Variants in MAP3K5 observed in about 807,000 individuals in gnomAD.
MAP3K5 encodes ASK-1.
In MAP3K5, 56 loss-of-function variants were observed where a neutral mutation model predicts 158.7. The ratio of observed to expected loss-of-function variants is 0.35; its 90% confidence interval spans 0.28 to 0.44. The LOEUF is 0.44. MAP3K5 is among the 20% of genes least tolerant of loss of function. The pLI, the probability that MAP3K5 is intolerant of heterozygous loss-of-function variation, is 1.00. For synonymous variants in MAP3K5, 579 were observed against 601.7 expected, an observed-to-expected ratio of 0.96 and a Z score of 0.55; for missense variants, 1,294 against 1,674.8, an observed-to-expected ratio of 0.77 and a Z score of 3.97.
chr6:136,660,079 A>T (rs954517782), intron 8 of MAP3K5, among the ~76,000 whole-genome samples: 11 of 152,216 alleles, frequency 7.2e-5, no homozygotes, highest in African/African-American at 2.7e-4. Flanking sequence ...TTGTTATGTA[A>T]CCTTCTTCTT....
intron 2 of MAP3K5, among the ~76,000 whole-genome samples, chr6:136,718,844 A>C (rs1253290614): frequency 6.6e-6 from 1 of 152,212 alleles, no homozygotes; most frequent in African/African-American, 2.4e-5. Context: ...GAAAGTAAAA[A>C]ATCTCCAACA....
chr6:136,652,617 TTGACAAGTGAGAA>T (rs1778569299), intron 10 of MAP3K5, among the ~76,000 whole-genome samples: 1 of 152,216 alleles, frequency 6.6e-6, no homozygotes, highest in Non-Finnish European at 1.5e-5. Context: ...ACTCTCTTCA[TTGACAAGTGAGAA>T]TATACTCCAT....
chr6:136,697,211 C>G lies in MAP3K5; in HGVS notation c.975+8G>C. 6.2e-7 allele frequency: 1 copy of G among 1,606,822 alleles called. No individual in the cohort carries two copies. The highest frequency in any genetic ancestry group is 8.5e-7 in the Non-Finnish European group (1 of 1,175,584). On this transcript the variant is annotated splice_region_variant and intron_variant, in intron 5 of 29. Coordinates refer to ENST00000359015, the MANE Select transcript of MAP3K5 (RefSeq NM_005923.4). ...ACAACAAAGATTTCACTTTAAACAT[C>G]TTCTCACCTGGATATCTCTGTAGGA...
rs1780646943 is a variant in MAP3K5, at chr6:136,697,411, A to C, written c.807-24T>G. On this transcript the variant is annotated intron_variant, in intron 4 of 29. Transcript: ENST00000359015. ...GGCTGGTAAAAACACACACATTTCA[A>C]AGAGTTTGACATTAGAAACAATTTC... 6.4e-7 allele frequency: 1 copy of C among 1,571,084 alleles called. No individual in the cohort carries two copies. Among genetic ancestry groups the C allele is most frequent in the East Asian group, 2.3e-5 (1 of 43,892 alleles).
intron 2 of MAP3K5, among the ~76,000 whole-genome samples, chr6:136,707,564 G>C (rs536522664): frequency 4.6e-5 from 7 of 152,086 alleles, no homozygotes; most frequent in East Asian, 1.9e-4. Flanking sequence ...ACTTGGGGGG[G>C]GGGGGAACCC....
intron 26 of MAP3K5, among the ~76,000 whole-genome samples, chr6:136,566,671 T>G (rs1295910470): frequency 6.6e-6 from 1 of 152,210 alleles, no homozygotes; most frequent in Non-Finnish European, 1.5e-5. Flanking sequence ...TCTCCCTTTA[T>G]TAAAATAAGA....
intron 26 of MAP3K5, among the ~76,000 whole-genome samples, chr6:136,566,066 G>A (rs890715249): frequency 1.3e-5 from 2 of 152,318 alleles, no homozygotes; most frequent in South Asian, 2.1e-4. Flanking sequence ...AGAAGAGAAA[G>A]GGGAAGCTGT....
chr6:136,691,423 C>A (rs1164863116), intron 7 of MAP3K5, among the ~76,000 whole-genome samples: 1 of 152,034 alleles, frequency 6.6e-6, no homozygotes, highest in Non-Finnish European at 1.5e-5. Flanking sequence ...CCAGCCTGGA[C>A]AACATGGGGA....
chr6:136,715,960 G>C (rs961816559), intron 2 of MAP3K5, among the ~76,000 whole-genome samples: 1 of 142,904 alleles, frequency 7.0e-6, no homozygotes, highest in African/African-American at 2.7e-5. Flanking sequence ...AACCCAGGAG[G>C]TGGAGGTTGC....
chr6:136,720,686 A>T, intron 1 of MAP3K5, 97 bp from the exon 2 acceptor site: 1 of 884,146 alleles, frequency 1.1e-6, no homozygotes, highest in Non-Finnish European at 1.7e-6. Flanking sequence ...AAAAGAGGAA[A>T]TAAGGAAACG....
intron 8 of MAP3K5, among the ~76,000 whole-genome samples, chr6:136,662,360 T>C (rs1309894213): frequency 6.6e-6 from 1 of 152,264 alleles, no homozygotes; most frequent in Middle Eastern, 3.2e-3. Context: ...AGATTGGCTC[T>C]CTTTTCATGT....
intron 1 of MAP3K5, among the ~76,000 whole-genome samples, chr6:136,783,934 G>A (rs1417763477): frequency 4.6e-5 from 7 of 152,178 alleles, no homozygotes; most frequent in Non-Finnish European, 1.0e-4. Flanking sequence ...AAGAAAGTGT[G>A]AACCAATTTT....
chr6:136,570,019 T>C (rs1304061377), intron 25 of MAP3K5, among the ~76,000 whole-genome samples: 2 of 152,076 alleles, frequency 1.3e-5, no homozygotes, highest in East Asian at 1.9e-4. Context: ...AGAAAACACA[T>C]ACATGCAACA....
intron 9 of MAP3K5, among the ~76,000 whole-genome samples, chr6:136,657,505 T>C (rs1778803297): frequency 6.6e-6 from 1 of 152,238 alleles, no homozygotes; most frequent in Non-Finnish European, 1.5e-5. Context: ...CGTGCATCTA[T>C]TGGTTCCTTT....
intron 1 of MAP3K5, among the ~76,000 whole-genome samples, chr6:136,750,250 G>A (rs6570097): frequency 6.6e-6 from 1 of 152,108 alleles, no homozygotes; most frequent in Admixed American, 6.5e-5. Context: ...GCTAATTTTT[G>A]TATTTTTAGT....
At position 136,792,314 on chromosome 6, in the gene MAP3K5, C is replaced by T. The variant is rs913768565; in HGVS notation, c.-157G>A. 3.4e-5 allele frequency: 35 copies of T among 1,032,014 alleles called. No homozygotes were observed. In the African/African-American group the frequency reaches 5.9e-4, roughly 17 times the overall value. The allele number at this position is 1,032,014 out of a possible 1,614,324, so 63.9% of individuals were successfully genotyped here. ...GCCGCCGCCTCCTCTCCGGCGCCCTCTCCCCCGAGGGCACGCCGCTGCCCG... is the reference window on the plus strand; with the variant it reads ...GCCGCCGCCTCCTCTCCGGCGCCCTTTCCCCCGAGGGCACGCCGCTGCCCG... On this transcript the variant is annotated 5_prime_UTR_variant, in exon 1 of 30. Coordinates refer to ENST00000359015, the MANE Select transcript of MAP3K5 (RefSeq NM_005923.4). The surrounding 1 kb of genome is among the most constrained non-coding windows in gnomAD (Gnocchi z 5.7).
intron 2 of MAP3K5, 105 bp from the exon 3 acceptor site, chr6:136,705,238 C>T: frequency 1.8e-6 from 1 of 540,816 alleles, no homozygotes. Flanking sequence ...ATGATATTAG[C>T]AATTAGAAAT....
chr6:136,639,693 T>C, intron 12 of MAP3K5, 55 bp from the exon 13 acceptor site: 1 of 806,910 alleles, frequency 1.2e-6, no homozygotes, highest in Admixed American at 2.8e-5. Context: ...TCTTCTACAG[T>C]CCTATGATGA....
rs138814706 is a variant in MAP3K5 at position 136,662,853 on chromosome 6, A to G, written c.1367-3475T>C. ...GTTGAATTTTTAAGCAATGAGCAGT[A>G]TGTCATTGCTGTGTTAACAACCACT... On this transcript the variant is annotated intron_variant, in intron 8 of 29. Coordinates refer to ENST00000359015, the MANE Select transcript of MAP3K5 (RefSeq NM_005923.4). Among the ~76,000 whole-genome samples the G allele has an allele frequency of 7.8e-4, 119 of 152,356 alleles. 1 individual carries two copies. In the East Asian group the frequency reaches 0.02, roughly 26 times the overall value.
Sources: gnomAD v4.1 joint callset for allele counts (sites outside exome capture counted in the v4.1 genomes callset) on GRCh38, gnomAD v4.1.1 for gene constraint, Gnocchi (gnomAD v3.1) non-coding constraint, MANE v1.5 for transcripts, NCBI Gene and HGNC (gene_info 2026-07-23, HGNC 2026-07-21) for gene names.